Variants in AMMECR1 observed in about 807,000 individuals in gnomAD.
AMMECR1 encodes the protein AMMECR nuclear protein 1, also known as nuclear protein AMMECR1.
AMMECR1 carries 3 observed loss-of-function variants against 22.5 expected under a neutral mutation model. That is an observed-to-expected ratio of 0.13 (90% CI 0.06 to 0.35). The LOEUF (loss-of-function observed/expected upper bound fraction) is 0.35, where lower values mean the gene tolerates loss of function less well. Among genes scored for constraint, AMMECR1 ranks in the 10% least tolerant of loss-of-function variants. The pLI, the probability that AMMECR1 is intolerant of heterozygous loss-of-function variation, is 1.00. For missense variants in AMMECR1, 235 were observed against 278.7 expected (o/e 0.84, Z 1.12); for synonymous variants, 130 against 116.7 (o/e 1.11, Z -0.74).
chrX:110,304,834 T>C (rs140147363), intron 1 of AMMECR1, among the ~76,000 whole-genome samples: 41 of 112,301 alleles, frequency 3.7e-4, no homozygotes, highest in African/African-American at 1.3e-3. Flanking sequence ...AACCTACTTT[T>C]GATTGGTACC....
At chrX:110,382,310 C>T (rs2068425639) in intron 2 of AMMECR1, among the ~76,000 whole-genome samples, 1 of 108,604 alleles carries the variant, frequency 9.2e-6, no homozygotes, top group Non-Finnish European at 1.9e-5. Flanking sequence ...GAATAAGCAA[C>T]GTTCCAATTG....
At chrX:110,351,699 G>A (rs764412851) in intron 2 of AMMECR1, among the ~76,000 whole-genome samples, 58 of 110,937 alleles carry the variant, frequency 5.2e-4, no homozygotes, top group South Asian at 1.5e-3. Flanking sequence ...TTCTTAAATA[G>A]GACACCAAAA....
chrX:110,254,699 A>G (rs777121165), intron 2 of AMMECR1, among the ~76,000 whole-genome samples: 14 of 112,363 alleles, frequency 1.2e-4, no homozygotes, highest in Non-Finnish European at 2.4e-4. Context: ...TTGACAGTCT[A>G]TATGTTGAAC....
intron 2 of AMMECR1, among the ~76,000 whole-genome samples, chrX:110,396,682 A>G (rs142865046): frequency 1.8e-5 from 2 of 112,362 alleles, no homozygotes; most frequent in African/African-American, 6.5e-5. Context: ...ATGGCGACAC[A>G]CAGCTATTAA....
chrX:110,221,980 C>G (rs777593318), intron 2 of AMMECR1, among the ~76,000 whole-genome samples: 55 of 109,096 alleles, frequency 5.0e-4, no homozygotes, highest in African/African-American at 1.8e-3. Flanking sequence ...AAATAGGAAC[C>G]CTTTTACACT....
intron 2 of AMMECR1, among the ~76,000 whole-genome samples, chrX:110,409,277 C>G (rs758951075): frequency 9.0e-6 from 1 of 110,831 alleles, no homozygotes; most frequent in Non-Finnish European, 1.9e-5. Flanking sequence ...GAGTTTGCCT[C>G]AAAGCTAGAG....
chrX:110,422,400 G>T (rs1280516460), intron 2 of AMMECR1, among the ~76,000 whole-genome samples: 1 of 112,647 alleles, frequency 8.9e-6, no homozygotes, highest in African/African-American at 3.2e-5. Context: ...TGGCAGAGAA[G>T]AATAAGTTTG....
chrX:110,330,243 A>G (rs941565474), intron 2 of AMMECR1, among the ~76,000 whole-genome samples: 3 of 111,862 alleles, frequency 2.7e-5, no homozygotes, highest in Non-Finnish European at 5.6e-5. Flanking sequence ...TTCACGACAA[A>G]AAAAACGACT....
intron 1 of AMMECR1, among the ~76,000 whole-genome samples, chrX:110,430,692 A>G (rs1193008452): frequency 3.6e-5 from 4 of 112,548 alleles, no homozygotes; most frequent in Non-Finnish European, 5.6e-5. Flanking sequence ...ACCCTTGTAT[A>G]TAGGGTTTTC....
chrX:110,359,512 T>C (rs1204193214), intron 2 of AMMECR1, among the ~76,000 whole-genome samples: 2 of 111,737 alleles, frequency 1.8e-5, no homozygotes, highest in South Asian at 7.5e-4. Context: ...CAAGCAACTT[T>C]CCTGAAGTCT....
rs1291536184 is a variant in AMMECR1 at position 110,234,437 on chromosome X, C to G, written c.585-17805G>C. Among the ~76,000 whole-genome samples the G allele has an allele frequency of 4.5e-5, 5 of 112,175 alleles. No individual in the cohort carries two copies. The East Asian group carries it at 1.4e-3, about 31-fold the overall frequency. ...TTTATAGATTCAATGCCATCCCCAT[C>G]AAGCTACCAATGACTTTCTTCACAG... is the stretch of plus-strand genomic sequence containing the variant. On this transcript the variant is annotated intron_variant, in intron 2 of 5. Coordinates refer to ENST00000262844, the MANE Select transcript of AMMECR1 (RefSeq NM_015365.3).
chrX:110,311,165 G>A lies in AMMECR1; in HGVS notation c.473+6434C>T, dbSNP rs187724674. Among the ~76,000 whole-genome samples the A allele has an allele frequency of 4.3e-4, 48 of 111,472 alleles. No homozygotes were observed. The East Asian group carries it at 0.013, about 31-fold the overall frequency. On this transcript the variant is annotated intron_variant, in intron 1 of 5. Transcript: ENST00000262844. ...CAAGGGGTGTGGTGGTGACAGCAAC[G>A]GGTTTAAGAACAACCAAGTAAGACT...
At chrX:110,235,425 A>G (rs1289419541) in intron 2 of AMMECR1, among the ~76,000 whole-genome samples, 1 of 112,467 alleles carries the variant, frequency 8.9e-6, no homozygotes, top group African/African-American at 3.2e-5. Context: ...CAGTGTGGAG[A>G]TTCCTCAAGG....
At chrX:110,318,212 T>A (rs1298313075), upstream of AMMECR1, 1 of 370,659 alleles carries the variant, frequency 2.7e-6, no homozygotes, top group African/African-American at 2.8e-5. Flanking sequence ...CGGCCCCGTC[T>A]GCCTAGCCAC....
chrX:110,415,197 T>C (rs756628254), intron 2 of AMMECR1, among the ~76,000 whole-genome samples: 71 of 112,263 alleles, frequency 6.3e-4, no homozygotes, highest in Non-Finnish European at 1.1e-3. Flanking sequence ...CTATGTTTGT[T>C]GAATGACTGA....
chrX:110,266,446 G>A (rs148957174), intron 1 of AMMECR1, among the ~76,000 whole-genome samples: 1,937 of 110,958 alleles, frequency 0.017, 41 homozygotes, highest in African/African-American at 0.06. Context: ...GCAGTGGTGC[G>A]ATCTCAGCTC....
intron 2 of AMMECR1, among the ~76,000 whole-genome samples, chrX:110,381,004 G>T (rs1205464801): frequency 8.9e-6 from 1 of 112,137 alleles, no homozygotes; most frequent in Non-Finnish European, 1.9e-5. Context: ...AAGGAAACCT[G>T]GGAAATATCC....
intron 2 of AMMECR1, among the ~76,000 whole-genome samples, chrX:110,237,252 T>G (rs1033438768): frequency 9.0e-6 from 1 of 110,631 alleles, no homozygotes; most frequent in Non-Finnish European, 1.9e-5. Flanking sequence ...TAGATGAACA[T>G]GGGCCTAAAG....
At position 110,198,630 on chromosome X, in the gene AMMECR1, G is replaced by A. The variant is rs2067382692; in HGVS notation, c.892C>T (p.Arg298Cys). The change falls in exon 6 of 6, where the codon CGT (arginine) becomes TGT (cysteine). Residue 298 changes from arginine to cysteine, a missense_variant. Around this residue, in one of 2 missense-constraint regions of AMMECR1, gnomAD observed 111 missense variants for 181.7 expected, o/e 0.61. Transcript: ENST00000262844. ...FRKTIKLTRY[R>C]SEKMTLSYAE... ...TAGCTCAGGGTCATCTTTTCACTAC[G>A]ATACCTGAAAGAAAGTCAGGGAAGA... The A allele has an allele frequency of 5.9e-6, 7 of 1,183,324 alleles. No individual in the cohort carries two copies. Among genetic ancestry groups the A allele is most frequent in the African/African-American group, 1.8e-5 (1 of 57,142 alleles).
Sources: allele counts gnomAD v4.1 joint callset (sites outside exome capture counted in the v4.1 genomes callset), GRCh38; gene constraint gnomAD v4.1.1; regional missense constraint gnomAD v4.1.1; transcripts MANE v1.5; gene names NCBI Gene and HGNC (gene_info 2026-07-23, HGNC 2026-07-21).